Variants in FAM168B observed in about 807,000 individuals in gnomAD.
The protein encoded by FAM168B is myelin-associated neurite-outgrowth inhibitor.
In FAM168B, 19 loss-of-function variants were observed where a neutral mutation model predicts 21.8. The observed-to-expected ratio is 0.87, with a 90% CI of 0.61 to 1.28. The LOEUF (loss-of-function observed/expected upper bound fraction) is 1.28, where lower values mean the gene tolerates loss of function less well. Among genes scored for constraint, FAM168B ranks in the 50% most tolerant of loss-of-function variants. The probability of loss-of-function intolerance (pLI) is 0.00; values close to 1 mark genes in which losing one functional copy is unlikely to be tolerated. For missense variants in FAM168B, 233 were observed against 263.1 expected, an observed-to-expected ratio of 0.89 and a Z score of 0.79; for synonymous variants, 126 against 104.8, an observed-to-expected ratio of 1.20 and a Z score of -1.24.
In FAM168B at chr2:131,048,450, C is replaced by G; in HGVS notation, c.*4015G>C. 2 of 1,195,220 alleles carry G rather than the reference C, an allele frequency of 1.7e-6. No homozygotes were observed. Among genetic ancestry groups the G allele is most frequent in the Non-Finnish European group, 2.1e-6 (2 of 930,628 alleles). 74.0% of individuals were successfully genotyped at this position (1,195,220 alleles called of 1,614,324 possible). A position where few individuals can be genotyped will look rare whatever the true frequency, so the allele number is the denominator to read the frequency against. On this transcript the variant is annotated 3_prime_UTR_variant, in exon 7 of 7. Transcript: ENST00000389915. ...AGACGCCGCTCATCCTCTGTCTCCCCTTCCCAAGTGACTTCACTTCAGTCC... is the reference window on the plus strand; with the variant it reads ...AGACGCCGCTCATCCTCTGTCTCCCGTTCCCAAGTGACTTCACTTCAGTCC...
At chr2:131,071,754 C>T in intron 3 of FAM168B, 101 bp downstream of exon 3, 1 of 1,028,030 alleles carries the variant, frequency 9.7e-7, no homozygotes, top group Non-Finnish European at 1.5e-6. Flanking sequence ...GAGAAATCGA[C>T]TCAACCAAGT....
intron 1 of FAM168B, among the ~76,000 whole-genome samples, chr2:131,091,656 A>C (rs1694038593): frequency 6.6e-6 from 1 of 151,810 alleles, no homozygotes; most frequent in Non-Finnish European, 1.5e-5. Flanking sequence ...CACAAAAAAA[A>C]AAAAGAAAAA....
Position 131,055,626 on chromosome 2 carries a change from G to A in FAM168B, c.224C>T (p.Ser75Phe). ...GGCAGTCTGGTAGGGGTTCGGGGAG[G>A]AGGAGTACGGTGGCACAGCCCCGCT... ...PTSGAVPPYS[S>F]SPNPYQTAVY... Residue 75 changes from serine to phenylalanine, a missense_variant, in exon 4 of 7, where the codon TCC (serine) becomes TTC (phenylalanine). Coordinates refer to ENST00000389915, the MANE Select transcript of FAM168B (RefSeq NM_001009993.4). 6.2e-7 allele frequency: 1 copy of A among 1,612,738 alleles called. No individual in the cohort carries two copies. Among genetic ancestry groups the A allele is most frequent in the Non-Finnish European group, 8.5e-7 (1 of 1,179,316 alleles).
At chr2:131,055,509 G>A (rs1558941783) in intron 4 of FAM168B, 44 bp downstream of exon 4, 2 of 1,599,642 alleles carry the variant, frequency 1.3e-6, no homozygotes, top group Non-Finnish European at 1.7e-6. Context: ...GAACGCCCAG[G>A]TGGTATCACC....
At chr2:131,073,419 T>A (rs1052804276) in intron 2 of FAM168B, among the ~76,000 whole-genome samples, 13 of 152,092 alleles carry the variant, frequency 8.5e-5, no homozygotes, top group Admixed American at 3.9e-4. Flanking sequence ...ATCCCCAACT[T>A]CTCCAGCATG....
chr2:131,086,836 C>T (rs572533056), intron 1 of FAM168B, among the ~76,000 whole-genome samples: 23 of 95,152 alleles, frequency 2.4e-4, no homozygotes, highest in Non-Finnish European at 3.8e-4. Flanking sequence ...GAGGCCGAGG[C>T]GGGCGGATCA....
At chr2:131,083,990 C>T (rs2105577123) in intron 1 of FAM168B, among the ~76,000 whole-genome samples, 1 of 149,254 alleles carries the variant, frequency 6.7e-6, no homozygotes, top group South Asian at 2.1e-4. Context: ...TGCAACTTTG[C>T]CTCCCAGGTT....
chr2:131,066,758 T>C (rs1043290685), intron 3 of FAM168B, among the ~76,000 whole-genome samples: 10 of 152,180 alleles, frequency 6.6e-5, no homozygotes, highest in African/African-American at 2.4e-4. Flanking sequence ...GTTAAACAAC[T>C]TTCCCAGGGA....
chr2:131,070,707 CA>C (rs1272475316), intron 3 of FAM168B, among the ~76,000 whole-genome samples: 1 of 152,016 alleles, frequency 6.6e-6, no homozygotes, highest in Non-Finnish European at 1.5e-5. Context: ...TTCCATACAA[CA>C]AAATACTACC....
intron 5 of FAM168B, among the ~76,000 whole-genome samples, chr2:131,054,587 C>T (rs747298325): frequency 1.3e-5 from 2 of 152,158 alleles, no homozygotes; most frequent in Non-Finnish European, 2.9e-5. Context: ...GGGAACAGTA[C>T]GCTTTTGTGT....
At chr2:131,054,447 C>T (rs1029714435) in intron 5 of FAM168B, among the ~76,000 whole-genome samples, 21 of 152,304 alleles carry the variant, frequency 1.4e-4, no homozygotes, top group African/African-American at 4.8e-4. Context: ...TGCCCAGTTT[C>T]CTGTTCCTTG....
rs1250124567 is a variant in FAM168B at position 131,050,424 on chromosome 2, C to T, written c.*2041G>A. On this transcript the variant is annotated 3_prime_UTR_variant, in exon 7 of 7. Coordinates refer to ENST00000389915, the MANE Select transcript of FAM168B (RefSeq NM_001009993.4). Reference sequence around the variant, plus strand: ...ACCTACTAATCCTGCCAACCATCCACTAAACAGATGGAATTACCAACAGAG... The same window carrying T: ...ACCTACTAATCCTGCCAACCATCCATTAAACAGATGGAATTACCAACAGAG... The T allele has an allele frequency of 5.1e-6, 5 of 985,710 alleles. No homozygotes were observed. The highest frequency in any genetic ancestry group is 6.0e-6 in the Non-Finnish European group (5 of 829,944). 61.1% of individuals were successfully genotyped at this position (985,710 alleles called of 1,614,324 possible). A position where few individuals can be genotyped will look rare whatever the true frequency, so the allele number is the denominator to read the frequency against.
chr2:131,073,211 G>C (rs1558975160), intron 2 of FAM168B, among the ~76,000 whole-genome samples: 1 of 151,786 alleles, frequency 6.6e-6, no homozygotes, highest in Admixed American at 6.6e-5. Context: ...TCCTGCCTCA[G>C]TCTCCCTAGT....
intron 3 of FAM168B, among the ~76,000 whole-genome samples, chr2:131,064,562 T>C (rs1261872618): frequency 1.3e-5 from 2 of 152,198 alleles, no homozygotes; most frequent in Non-Finnish European, 1.5e-5. Context: ...GAATTCTGTA[T>C]CCAGACAACC....
chr2:131,054,236 TAAA>T (rs879882436), intron 5 of FAM168B, among the ~76,000 whole-genome samples: 1 of 136,558 alleles, frequency 7.3e-6, no homozygotes, highest in Non-Finnish European at 1.6e-5. Flanking sequence ...ATTTTAAAAT[TAAA>T]AAAAAAAAAA....
chr2:131,070,385 G>C (rs1436362249), intron 3 of FAM168B, among the ~76,000 whole-genome samples: 1 of 152,146 alleles, frequency 6.6e-6, no homozygotes, highest in African/African-American at 2.4e-5. Flanking sequence ...GAATTAAAAA[G>C]ACTGACCACA....
chr2:131,087,862 C>G (rs1693796197), intron 1 of FAM168B, among the ~76,000 whole-genome samples: 1 of 152,184 alleles, frequency 6.6e-6, no homozygotes, highest in Non-Finnish European at 1.5e-5. Flanking sequence ...TCCTAACAGC[C>G]AAAAACTGCA....
chr2:131,058,553 C>A (rs890298131), intron 3 of FAM168B, among the ~76,000 whole-genome samples: 4 of 152,212 alleles, frequency 2.6e-5, no homozygotes, highest in African/African-American at 9.6e-5. Flanking sequence ...AAGATTCCTC[C>A]AGGGCTCCCT....
At chr2:131,058,804 G>A (rs1488420947) in intron 3 of FAM168B, among the ~76,000 whole-genome samples, 1 of 152,116 alleles carries the variant, frequency 6.6e-6, no homozygotes, top group African/African-American at 2.4e-5. Flanking sequence ...AGCTTCACAG[G>A]TGTACACAGG....
Sources: gnomAD v4.1 joint callset for allele counts (sites outside exome capture counted in the v4.1 genomes callset) on GRCh38, gnomAD v4.1.1 for gene constraint, MANE v1.5 for transcripts, NCBI Gene and HGNC (gene_info 2026-07-23, HGNC 2026-07-21) for gene names.